Variants in HOOK1 observed in about 807,000 individuals in gnomAD.
HOOK1 encodes hook microtubule tethering protein 1.
A neutral mutation model predicts 112.8 loss-of-function variants in HOOK1; 60 were observed. The ratio of observed to expected loss-of-function variants is 0.53; its 90% confidence interval spans 0.43 to 0.66. HOOK1 has a LOEUF of 0.66. Ranked by LOEUF, HOOK1 falls within the 30% of genes least tolerant of loss-of-function variation. HOOK1 has a pLI of 0.00. For missense variants in HOOK1, 770 were observed against 856.0 expected, an observed-to-expected ratio of 0.90 and a Z score of 1.25; for synonymous variants, 294 against 283.8, an observed-to-expected ratio of 1.04 and a Z score of -0.36.
At chr1:59,818,672 T>G (rs2098383353) in intron 1 of HOOK1, among the ~76,000 whole-genome samples, 1 of 152,248 alleles carries the variant, frequency 6.6e-6, no homozygotes, top group Non-Finnish European at 1.5e-5. Flanking sequence ...TTTAAATGTT[T>G]TTCTTGGTTC....
intron 12 of HOOK1, among the ~76,000 whole-genome samples, chr1:59,849,569 C>T (rs986723875): frequency 7.3e-5 from 11 of 151,502 alleles, no homozygotes; most frequent in Non-Finnish European, 1.3e-4. Flanking sequence ...GTTATACTAC[C>T]ATCATCATAA....
chr1:59,852,338 C>T (rs2098407576), intron 12 of HOOK1, among the ~76,000 whole-genome samples: 1 of 151,782 alleles, frequency 6.6e-6, no homozygotes, highest in Admixed American at 6.6e-5. Flanking sequence ...TAGGTCTATT[C>T]AGCTATTCTA....
intron 12 of HOOK1, among the ~76,000 whole-genome samples, chr1:59,855,955 T>TAAAAAAAAAAA (rs1469077751): frequency 2.9e-5 from 3 of 104,334 alleles, no homozygotes; most frequent in African/African-American, 1.4e-4. Flanking sequence ...TATATATATA[T>TAAAAAAAAAAA]ATATAAATTA....
chr1:59,840,105 G>C (rs984841646), intron 7 of HOOK1, among the ~76,000 whole-genome samples: 1 of 152,018 alleles, frequency 6.6e-6, no homozygotes, highest in Non-Finnish European at 1.5e-5. Context: ...ATTTTATTGA[G>C]GATTTTCACA....
intron 12 of HOOK1, among the ~76,000 whole-genome samples, chr1:59,856,701 T>C (rs1442985058): frequency 6.6e-6 from 1 of 152,174 alleles, no homozygotes; most frequent in Non-Finnish European, 1.5e-5. Context: ...TCTGCTCAGT[T>C]ACCACAGTGG....
intron 6 of HOOK1, among the ~76,000 whole-genome samples, 197 bp from the exon 7 acceptor site, chr1:59,836,676 T>A (rs2098397900): frequency 6.6e-6 from 1 of 152,198 alleles, no homozygotes; most frequent in Admixed American, 6.6e-5. Context: ...ACTTATAGTG[T>A]CCTCACTAAT....
chr1:59,817,804 T>C (rs2098382736), intron 1 of HOOK1, among the ~76,000 whole-genome samples: 1 of 152,218 alleles, frequency 6.6e-6, no homozygotes, highest in Admixed American at 6.5e-5. Context: ...TATCCCACTG[T>C]AACCTGTTAA....
intron 20 of HOOK1, among the ~76,000 whole-genome samples, chr1:59,869,580 A>G (rs1192361691): frequency 6.6e-6 from 1 of 152,180 alleles, no homozygotes; most frequent in Non-Finnish European, 1.5e-5. Context: ...TATTTGAGCA[A>G]GTAGGTATGA....
chr1:59,828,711 T>C (rs1266879507), intron 2 of HOOK1, 69 bp from the exon 3 acceptor site: 4 of 1,312,858 alleles, frequency 3.0e-6, no homozygotes, highest in African/African-American at 2.9e-5. Context: ...CTTTCTCTGT[T>C]GGCTCTATTT....
rs994038283 is a variant in HOOK1 at position 59,862,855 on chromosome 1, G to A, written c.1604G>A (p.Gly535Asp). The A allele has an allele frequency of 6.2e-7, 1 of 1,608,194 alleles. No individual in the cohort carries two copies. The highest frequency in any genetic ancestry group is 8.5e-7 in the Non-Finnish European group (1 of 1,174,920). The change falls in exon 16 of 22, where the codon GGT (glycine) becomes GAT (aspartate). Residue 535 changes from glycine to aspartate, a missense_variant. Around this residue, in one of 3 missense-constraint regions of HOOK1, gnomAD observed 655 missense variants for 725.9 expected, o/e 0.90. Coordinates refer to ENST00000371208, the MANE Select transcript of HOOK1 (RefSeq NM_015888.6). ...EDLQKSLQEQ[G>D]SKSEGESSSK... ...CTCCAGAAATCTTTACAGGAACAAG[G>A]TTCCAAGTCTGAAGGCGAAAGTGTA...
In HOOK1 at chr1:59,864,623, AT is replaced by A; in HGVS notation, c.1627-5del. On this transcript the variant is annotated splice_region_variant and splice_polypyrimidine_tract_variant and intron_variant, in intron 16 of 21. Coordinates refer to ENST00000371208, the MANE Select transcript of HOOK1 (RefSeq NM_015888.6). Reference sequence around the variant, plus strand: ...GTCATCTTACAGCAATTTTTTTTAAATTTTATAGTCCAGCAAATTAAAGCAG... The same window carrying A: ...GTCATCTTACAGCAATTTTTTTTAAATTTATAGTCCAGCAAATTAAAGCAG... 6.5e-7 allele frequency: 1 copy of A among 1,527,138 alleles called. No homozygotes were observed. The highest frequency in any genetic ancestry group is 9.0e-7 in the Non-Finnish European group (1 of 1,109,252). 94.6% of individuals were successfully genotyped at this position (1,527,138 alleles called of 1,614,324 possible).
intron 3 of HOOK1, 116 bp from the exon 4 acceptor site, chr1:59,832,047 A>G: frequency 5.2e-6 from 3 of 575,778 alleles, no homozygotes; most frequent in Non-Finnish European, 9.2e-6. Context: ...GAACTCTATT[A>G]TAATGTTTTT....
At chr1:59,867,963 T>C (rs1289741405) in intron 19 of HOOK1, among the ~76,000 whole-genome samples, 1 of 152,174 alleles carries the variant, frequency 6.6e-6, no homozygotes, top group Non-Finnish European at 1.5e-5. Flanking sequence ...AGTTTGAGTA[T>C]TGAAAAGGCT....
Position 59,848,378 on chromosome 1 carries a change from A to G in HOOK1, c.993A>G (p.Gln331=). 1 of 1,611,428 alleles carries G rather than the reference A, an allele frequency of 6.2e-7. No individual in the cohort carries two copies. The highest frequency in any genetic ancestry group is 1.3e-5 in the African/African-American group (1 of 74,908). ...TTGAGATATATCGTCAGAAGCTACA[A>G]GATCTGAATGACCTTCGCAAGCAGG... is the stretch of plus-strand genomic sequence containing the variant. ...STVEIYRQKL[Q]DLNDLRKQVK... The change falls in exon 11 of 22, where the codon CAA becomes CAG. Residue 331 remains glutamine, a synonymous_variant. Transcript: ENST00000371208.
chr1:59,846,337 G>A (rs1346752812), intron 9 of HOOK1, among the ~76,000 whole-genome samples: 1 of 151,600 alleles, frequency 6.6e-6, no homozygotes, highest in African/African-American at 2.4e-5. Context: ...ACTCTTGCTA[G>A]AGGTTCATCA....
chr1:59,827,789 G>T (rs1275419343), intron 2 of HOOK1, among the ~76,000 whole-genome samples: 1 of 151,818 alleles, frequency 6.6e-6, no homozygotes. Context: ...GAACATATGA[G>T]CAGAAAGGTT....
Position 59,828,839 on chromosome 1 carries a change from A to G in HOOK1, c.209A>G (p.Asn70Ser). 1 of 1,613,042 alleles carries G rather than the reference A, an allele frequency of 6.2e-7. No individual in the cohort carries two copies. The highest frequency in any genetic ancestry group is 1.3e-5 in the African/African-American group (1 of 75,024). Residue 70 changes from asparagine (N) to serine (S), a missense_variant, in exon 3 of 22, where the codon AAC (asparagine) becomes AGC (serine). Around this residue, in one of 3 missense-constraint regions of HOOK1, gnomAD observed 655 missense variants for 725.9 expected, o/e 0.90. Transcript: ENST00000371208. ...CGAATTAAAGAGGATGTTGGGGACA[A>G]CTGGAGAATAAAGGTATGCAGAACA... The part of the protein sequence containing the change: ...LSRIKEDVGD[N>S]WRIKASNVKK...
intron 12 of HOOK1, among the ~76,000 whole-genome samples, chr1:59,852,377 G>C (rs981869102): frequency 6.6e-6 from 1 of 151,690 alleles, no homozygotes; most frequent in Non-Finnish European, 1.5e-5. Flanking sequence ...TTACTAGTTT[G>C]TTTCTTTCTA....
chr1:59,832,060 T>C, intron 3 of HOOK1, 103 bp from the exon 4 acceptor site: 2 of 621,386 alleles, frequency 3.2e-6, no homozygotes, highest in Non-Finnish European at 5.6e-6. Context: ...ATGTTTTTGT[T>C]GTTCTTTTTA....
Sources: allele counts gnomAD v4.1 joint callset (sites outside exome capture counted in the v4.1 genomes callset), GRCh38; gene constraint gnomAD v4.1.1; regional missense constraint gnomAD v4.1.1; transcripts MANE v1.5; gene names NCBI Gene and HGNC (gene_info 2026-07-23, HGNC 2026-07-21).